The following CACNA1E variants were observed in gnomAD, a reference collection of about 807,000 sequenced individuals.
CACNA1E encodes the protein voltage-dependent R-type calcium channel subunit alpha-1E.
CACNA1E carries 40 observed loss-of-function variants against 259.2 expected under a neutral mutation model. The ratio of observed to expected loss-of-function variants is 0.15; its 90% confidence interval spans 0.12 to 0.20. The LOEUF (loss-of-function observed/expected upper bound fraction) is 0.20. Among genes scored for constraint, CACNA1E ranks in the 10% least tolerant of loss-of-function variants. The pLI is 1.00. For synonymous variants in CACNA1E, 1,104 were observed against 1,138.5 expected (o/e 0.97, Z 0.61); for missense variants, 1,874 against 3,040.1 (o/e 0.62, Z 9.02).
chr1:181,408,540 G>A (rs1001953470), intron 1 of CACNA1E, among the ~76,000 whole-genome samples: 1 of 152,198 alleles, frequency 6.6e-6, no homozygotes, highest in African/African-American at 2.4e-5. Flanking sequence ...TAGGCTATGA[G>A]CTCGAGTGTT....
At chr1:181,789,764 G>T (rs1421190572) in intron 43 of CACNA1E, among the ~76,000 whole-genome samples, 4 of 152,230 alleles carry the variant, frequency 2.6e-5, no homozygotes, top group Non-Finnish European at 1.5e-5. Context: ...TACTGTGCCA[G>T]TTCTGCATTC....
chr1:181,564,887 C>CTT (rs34262228), intron 3 of CACNA1E, among the ~76,000 whole-genome samples: 5 of 147,370 alleles, frequency 3.4e-5, no homozygotes, highest in African/African-American at 1.3e-4. Context: ...TGAAAGGAAT[C>CTT]TTTTTTTTTT....
At chr1:181,318,444 G>A (rs1650079384) in intron 1 of CACNA1E, among the ~76,000 whole-genome samples, 1 of 152,234 alleles carries the variant, frequency 6.6e-6, no homozygotes, top group Non-Finnish European at 1.5e-5. Context: ...CAGCGCTCAG[G>A]GCAGCATCCC....
chr1:181,515,542 C>T (rs1666513207), intron 3 of CACNA1E, among the ~76,000 whole-genome samples: 1 of 152,134 alleles, frequency 6.6e-6, no homozygotes, highest in Admixed American at 6.5e-5. Context: ...TGGAATTTGC[C>T]ATTCTTTTAA....
In CACNA1E at chr1:181,641,720, T is replaced by TG. The variant is rs1558217822; in HGVS notation, c.952-9618_952-9617insG. Among the ~76,000 whole-genome samples the TG allele has an allele frequency of 2.2e-5, 3 of 136,104 alleles. No homozygotes were observed. In the Admixed American group the frequency reaches 2.3e-4, roughly 10 times the overall value. 89.3% of individuals were successfully genotyped at this position (136,104 alleles called of 152,430 possible). Reference sequence around the variant, plus strand: ...AATTTTTTGTTTTTTTTTTTTTTTTTTTTTTTTTTTTGAGACAGAGTCTCG... The same window carrying TG: ...AATTTTTTGTTTTTTTTTTTTTTTTTGTTTTTTTTTTTGAGACAGAGTCTCG... On this transcript the variant is annotated intron_variant, in intron 6 of 47. Coordinates refer to ENST00000367573, the MANE Select transcript of CACNA1E (RefSeq NM_001205293.3).
chr1:181,616,116 T>C (rs746279259), intron 6 of CACNA1E, among the ~76,000 whole-genome samples: 6 of 152,222 alleles, frequency 3.9e-5, no homozygotes, highest in African/African-American at 7.2e-5. Context: ...TTTTTTACGA[T>C]TGCATTATCT....
At chr1:181,349,041 G>T (rs1652829661) in intron 1 of CACNA1E, among the ~76,000 whole-genome samples, 1 of 149,754 alleles carries the variant, frequency 6.7e-6, no homozygotes, top group South Asian at 2.2e-4. Flanking sequence ...TGATTAATAG[G>T]CAGTCAGGGG....
intron 38 of CACNA1E, among the ~76,000 whole-genome samples, chr1:181,777,887 A>C (rs1234826991): frequency 2.0e-5 from 3 of 151,752 alleles, no homozygotes; most frequent in Non-Finnish European, 4.4e-5. Flanking sequence ...AACTGTGAGC[A>C]AAAAAGTCCA....
chr1:181,687,306 A>T (rs1029215426), intron 7 of CACNA1E, among the ~76,000 whole-genome samples: 7 of 151,868 alleles, frequency 4.6e-5, no homozygotes, highest in Non-Finnish European at 8.8e-5. Flanking sequence ...AGGATCTATG[A>T]CTCTTTATGC....
rs142630980 is a variant in CACNA1E, at chr1:181,725,031, A to C, written c.2142+494A>C. Among the ~76,000 whole-genome samples, 1,429 of 152,274 alleles carry C rather than the reference A, an allele frequency of 9.4e-3. 12 individuals are homozygous for C. The highest frequency in any genetic ancestry group is 0.012 in the Non-Finnish European group (826 of 68,018). Reference sequence around the variant, plus strand: ...AAATTTCAATGAAGCCAGATACTAAATTTCTCACAGAACTGTTCCCTTCTT... The same window carrying C: ...AAATTTCAATGAAGCCAGATACTAACTTTCTCACAGAACTGTTCCCTTCTT... On this transcript the variant is annotated intron_variant, in intron 17 of 47. Transcript: ENST00000367573.
intron 43 of CACNA1E, among the ~76,000 whole-genome samples, chr1:181,787,674 C>T (rs1447359814): frequency 1.3e-5 from 2 of 152,164 alleles, no homozygotes; most frequent in East Asian, 3.9e-4. Context: ...GCAATACAGG[C>T]AAACGATGCT....
rs115336996 is a variant in CACNA1E, at chr1:181,398,228, G to A, written c.-14-14905G>A. On this transcript the variant is annotated intron_variant, in intron 1 of 11. Coordinates refer to the CACNA1E transcript ENST00000524607. ...TTAATTTCCCTTCCTTCTCTGAAGA[G>A]TCTTGACGTGCAAGGACCAGCTCTC... Among the ~76,000 whole-genome samples the A allele has an allele frequency of 6.5e-3, 989 of 152,310 alleles. 12 individuals carry two copies. Among genetic ancestry groups the A allele is most frequent in the African/African-American group, 0.022 (901 of 41,576 alleles).
rs199591744 is a variant in CACNA1E, at chr1:181,785,734, C to T, written c.5701C>T (p.Arg1901Cys). Residue 1901 changes from arginine (R) to cysteine (C), a missense_variant, in exon 43 of 48, where the codon CGC becomes TGC. Arg to Cys is a radical substitution (Grantham distance 180). Coordinates refer to ENST00000367573, the MANE Select transcript of CACNA1E (RefSeq NM_001205293.3). ...CCAGAAAAATGCCCCCATGTTCCAG[C>T]GCATGGAGCCTTCATCTCTGCCTCA... ...EEQKNAPMFQ[R>C]MEPSSLPQEI... is the part of the protein sequence containing the mutation. The T allele has an allele frequency of 1.9e-5, 30 of 1,612,540 alleles. No homozygotes were observed. The highest frequency in any genetic ancestry group is 6.7e-5 in the Admixed American group (4 of 59,790).
chr1:181,618,924 T>G (rs561168448), intron 6 of CACNA1E, among the ~76,000 whole-genome samples: 131 of 152,318 alleles, frequency 8.6e-4, no homozygotes, highest in African/African-American at 3.1e-3. Context: ...CTACAAAAAT[T>G]ATCAGTTTTT....
intron 3 of CACNA1E, among the ~76,000 whole-genome samples, chr1:181,557,280 G>A (rs1391781664): frequency 3.3e-5 from 5 of 152,202 alleles, no homozygotes; most frequent in African/African-American, 1.2e-4. Context: ...TGACAGATGT[G>A]GTGGGATCCA....
At chr1:181,386,917 TC>T (rs1413413267) in intron 1 of CACNA1E, among the ~76,000 whole-genome samples, 3 of 152,204 alleles carry the variant, frequency 2.0e-5, no homozygotes, top group East Asian at 1.9e-4. Context: ...TGGGGACCGC[TC>T]TTGGGCTTTT....
At chr1:181,634,857 T>A (rs1006573039) in intron 6 of CACNA1E, among the ~76,000 whole-genome samples, 2 of 152,206 alleles carry the variant, frequency 1.3e-5, no homozygotes, top group Non-Finnish European at 2.9e-5. Context: ...CCATCCCTGC[T>A]CTCTGAACCC....
At chr1:181,672,331 C>A (rs770922218) in intron 7 of CACNA1E, among the ~76,000 whole-genome samples, 64 of 152,116 alleles carry the variant, frequency 4.2e-4, no homozygotes, top group Admixed American at 7.2e-4. Context: ...CAACAAATGC[C>A]TGTGACATGA....
At chr1:181,621,535 A>G (rs1054580633) in intron 6 of CACNA1E, among the ~76,000 whole-genome samples, 3 of 152,224 alleles carry the variant, frequency 2.0e-5, no homozygotes, top group Admixed American at 6.5e-5. Flanking sequence ...ACAGAAAAAA[A>G]TTCAACAGTA....
Sources: allele counts gnomAD v4.1 joint callset (sites outside exome capture counted in the v4.1 genomes callset), GRCh38; gene constraint gnomAD v4.1.1; transcripts MANE v1.5; gene names NCBI Gene and HGNC (gene_info 2026-07-23, HGNC 2026-07-21).